CD247: variants seen among roughly 807,000 people sequenced by gnomAD.
CD247 encodes the protein T-cell surface glycoprotein CD3 zeta chain.
A neutral mutation model predicts 30.0 loss-of-function variants in CD247; 13 were observed. The ratio of observed to expected loss-of-function variants is 0.43; its 90% CI spans 0.28 to 0.69. CD247 has a LOEUF of 0.69. Ranked by LOEUF, CD247 falls within the 30% of genes least tolerant of loss-of-function variation. The pLI, the probability that CD247 is intolerant of heterozygous loss-of-function variation, is 0.16. For synonymous variants in CD247, 72 were observed against 80.0 expected, an observed-to-expected ratio of 0.90 and a Z score of 0.53; for missense variants, 193 against 212.6, an observed-to-expected ratio of 0.91 and a Z score of 0.57.
At chr1:167,498,250 C>G (rs1010413379) in intron 1 of CD247, among the ~76,000 whole-genome samples, 3 of 152,242 alleles carry the variant, frequency 2.0e-5, no homozygotes, top group African/African-American at 7.2e-5. Flanking sequence ...CAGGTAAGAT[C>G]AACTGCTAAA....
At chr1:167,448,489 TG>T (rs1372994925) in intron 1 of CD247, 10 of 985,202 alleles carry the variant, frequency 1.0e-5, no homozygotes, top group African/African-American at 5.2e-5. Context: ...GAGGCCGGCC[TG>T]GGGGGTTGAC....
At chr1:167,457,979 C>T (rs1026548692) in intron 1 of CD247, among the ~76,000 whole-genome samples, 1 of 152,114 alleles carries the variant, frequency 6.6e-6, no homozygotes, top group South Asian at 2.1e-4. Context: ...GAAGGAATTT[C>T]GCCCCTCACA....
chr1:167,483,288 G>A (rs191018426), intron 1 of CD247, among the ~76,000 whole-genome samples: 10 of 152,188 alleles, frequency 6.6e-5, no homozygotes, highest in South Asian at 4.2e-4. Flanking sequence ...GATTACAGGC[G>A]TGAACCACCG....
chr1:167,462,419 A>G (rs1653063063), intron 1 of CD247, among the ~76,000 whole-genome samples: 1 of 152,208 alleles, frequency 6.6e-6, no homozygotes, highest in Non-Finnish European at 1.5e-5. Flanking sequence ...AACTCTGGCA[A>G]AGCTGTGCCT....
chr1:167,510,700 G>A (rs952382411), intron 1 of CD247, among the ~76,000 whole-genome samples: 1 of 152,182 alleles, frequency 6.6e-6, no homozygotes, highest in East Asian at 1.9e-4. Flanking sequence ...TTGCATGGTG[G>A]GGAATTAGCA....
At position 167,435,433 on chromosome 1, in the gene CD247, T is replaced by C; in HGVS notation, c.302A>G (p.Gln101Arg). 6.2e-7 allele frequency: 1 copy of C among 1,612,054 alleles called. No individual in the cohort carries two copies. The highest frequency in any genetic ancestry group is 8.5e-7 in the Non-Finnish European group (1 of 1,178,080). ...GRDPEMGGKP[Q>R]RRKNPQEGLY... ...GCCTTCCTGAGGGTTCTTCCTTCTC[T>C]GCTAGGAAAGACAACGGGAAGACGT... Residue 101 changes from glutamine to arginine, a missense_variant and splice_region_variant, in exon 5 of 8, where the codon CAG becomes CGG. Gln to Arg is a conservative substitution (Grantham distance 43, BLOSUM62 1). Coordinates refer to ENST00000362089, the MANE Select transcript of CD247 (RefSeq NM_198053.3).
intron 1 of CD247, among the ~76,000 whole-genome samples, chr1:167,491,597 G>C (rs552416424): frequency 1.3e-5 from 2 of 152,174 alleles, no homozygotes; most frequent in Non-Finnish European, 2.9e-5. Flanking sequence ...CTATCATATG[G>C]TCTAGCAATT....
At chr1:167,489,080 C>T (rs762054011) in intron 1 of CD247, among the ~76,000 whole-genome samples, 8 of 147,664 alleles carry the variant, frequency 5.4e-5, no homozygotes, top group Non-Finnish European at 8.9e-5. Flanking sequence ...GTTTTAACAC[C>T]GGACAGCAGA....
intron 1 of CD247, among the ~76,000 whole-genome samples, chr1:167,488,169 G>A (rs1444278700): frequency 2.0e-5 from 3 of 152,254 alleles, no homozygotes; most frequent in East Asian, 1.9e-4. Context: ...GATAATATGA[G>A]CACTCTATTG....
chr1:167,479,109 A>G (rs1348675350), intron 1 of CD247, among the ~76,000 whole-genome samples: 1 of 152,246 alleles, frequency 6.6e-6, no homozygotes, highest in Non-Finnish European at 1.5e-5. Context: ...TCCTGTTACT[A>G]AAAGTATTCA....
At position 167,448,605 on chromosome 1, in the gene CD247, G is replaced by A. The variant is rs1020037556; in HGVS notation, c.59-7838C>T. 5.7e-5 allele frequency: 48 copies of A among 844,386 alleles called. No individual in the cohort carries two copies. In the African/African-American group the frequency reaches 8.4e-4, roughly 15 times the overall value. The allele number at this position is 844,386 out of a possible 1,614,324, so 52.3% of individuals were successfully genotyped here. On this transcript the variant is annotated intron_variant, in intron 1 of 7. Transcript: ENST00000362089. ...CCTCAATCACCCTGAACTGCAGAACGACTCCAGCTAATTTACTGGCAACAT... is the reference window on the plus strand; with the variant it reads ...CCTCAATCACCCTGAACTGCAGAACAACTCCAGCTAATTTACTGGCAACAT...
At chr1:167,470,040 A>G (rs955490181) in intron 1 of CD247, among the ~76,000 whole-genome samples, 2 of 151,994 alleles carry the variant, frequency 1.3e-5, no homozygotes, top group African/African-American at 4.8e-5. Context: ...CAGCCTCCTA[A>G]GTAGCTGGGA....
chr1:167,440,748 C>T lies in CD247; in HGVS notation c.78G>A (p.Leu26=). 6.2e-7 allele frequency: 1 copy of T among 1,612,822 alleles called. No homozygotes were observed. Among genetic ancestry groups the T allele is most frequent in the South Asian group, 1.1e-5 (1 of 90,966 alleles). The change falls in exon 2 of 8, where the codon CTG becomes CTA. Residue 26 remains leucine, a synonymous_variant. Transcript: ENST00000362089. The part of the protein sequence containing the change: ...LPITEAQSFG[L]LDPKLCYLLD... ...GCAGGTAGCAGAGTTTGGGATCCAG[C>T]AGGCCAAAGCTCTGTGCCTCTGTGC...
chr1:167,502,070 G>C (rs858538), intron 1 of CD247, among the ~76,000 whole-genome samples: 4,190 of 152,310 alleles, frequency 0.028, 86 homozygotes, highest in Non-Finnish European at 0.037. Context: ...GACAGGGCTG[G>C]CTCAGCAACC....
chr1:167,439,685 G>C (rs1275709598), intron 2 of CD247: 10 of 505,996 alleles, frequency 2.0e-5, no homozygotes, highest in Admixed American at 6.5e-5. Flanking sequence ...TCGCGCGTGC[G>C]CAGAGGTATA....
At position 167,441,641 on chromosome 1, in the gene CD247, C is replaced by T. The variant is rs192454008; in HGVS notation, c.59-874G>A. Among the ~76,000 whole-genome samples the T allele has an allele frequency of 3.5e-4, 54 of 152,342 alleles. 1 individual carries two copies. The highest frequency in any genetic ancestry group is 1.2e-3 in the African/African-American group (50 of 41,576). ...ATTTGATGCATCCTACAAAATGCAG[C>T]TCAAAGATCCCTTCTGTGTTAGCTT... On this transcript the variant is annotated intron_variant, in intron 1 of 7. Transcript: ENST00000362089.
intron 1 of CD247, among the ~76,000 whole-genome samples, chr1:167,502,915 T>C (rs1654971647): frequency 6.6e-6 from 1 of 152,188 alleles, no homozygotes; most frequent in South Asian, 2.1e-4. Context: ...GCAGACACCT[T>C]GACTTTGGAC....
chr1:167,517,795 C>A (rs373630337), intron 1 of CD247, among the ~76,000 whole-genome samples: 12 of 152,180 alleles, frequency 7.9e-5, no homozygotes, highest in Non-Finnish European at 1.2e-4. Flanking sequence ...AGCCTAGACA[C>A]GGACGCTTGG....
intron 1 of CD247, among the ~76,000 whole-genome samples, chr1:167,495,299 GA>G (rs531469992): frequency 6.8e-4 from 104 of 152,298 alleles, no homozygotes; most frequent in African/African-American, 2.4e-3. Context: ...ACAGTTTGCT[GA>G]GAGGAATAAA....
Sources: allele counts gnomAD v4.1 joint callset (sites outside exome capture counted in the v4.1 genomes callset), GRCh38; gene constraint gnomAD v4.1.1; transcripts MANE v1.5; gene names NCBI Gene and HGNC (gene_info 2026-07-23, HGNC 2026-07-21).